The following GPR39 variants were observed in gnomAD, a reference collection of about 807,000 sequenced individuals.
GPR39 encodes zinc sensing receptor.
In GPR39, 23 loss-of-function variants were observed where a neutral mutation model predicts 18.4. The ratio of observed to expected loss-of-function variants is 1.25; its 90% CI spans 0.90 to 1.77. GPR39 has a LOEUF of 1.77. Among genes scored for constraint, GPR39 ranks in the 40% most tolerant of loss-of-function variants. The pLI, the probability that GPR39 is intolerant of heterozygous loss-of-function variation, is 0.00. For synonymous variants in GPR39, 280 were observed against 257.9 expected, an observed-to-expected ratio of 1.09 and a Z score of -0.82; for missense variants, 647 against 602.4, an observed-to-expected ratio of 1.07 and a Z score of -0.78.
At chr2:132,535,840 A>G (rs1050487166) in intron 1 of GPR39, among the ~76,000 whole-genome samples, 2 of 151,156 alleles carry the variant, frequency 1.3e-5, no homozygotes, top group Non-Finnish European at 2.9e-5. Context: ...TAGATTTTCT[A>G]GTTTATTTGT....
chr2:132,530,081 T>C (rs1679585848), intron 1 of GPR39, among the ~76,000 whole-genome samples: 1 of 151,716 alleles, frequency 6.6e-6, no homozygotes, highest in South Asian at 2.1e-4. Context: ...TTCGAACCAA[T>C]GGCAAAGAAG....
chr2:132,417,283 T>C lies in GPR39; in HGVS notation c.241T>C (p.Leu81=). ...GGTGAGTTTGGCTTGCTCGGACATC[T>C]TGGTGTTCCTCATCGGCATGCCCAT... is the stretch of plus-strand genomic sequence containing the variant. ...HMVSLACSDI[L]VFLIGMPMEF... Residue 81 remains leucine, a synonymous_variant, in exon 1 of 2, where the codon TTG becomes CTG. Transcript: ENST00000329321. 1 of 1,614,170 alleles carries C rather than the reference T, an allele frequency of 6.2e-7. No homozygotes were observed. Among genetic ancestry groups the C allele is most frequent in the South Asian group, 1.1e-5 (1 of 91,080 alleles).
At chr2:132,538,660 C>G (rs1478970304) in intron 1 of GPR39, among the ~76,000 whole-genome samples, 2 of 152,214 alleles carry the variant, frequency 1.3e-5, no homozygotes, top group Non-Finnish European at 2.9e-5. Context: ...GAAGCTGTGA[C>G]AGCACCCATC....
intron 1 of GPR39, among the ~76,000 whole-genome samples, chr2:132,644,625 T>G (rs1681953060): frequency 6.6e-6 from 1 of 152,358 alleles, no homozygotes; most frequent in African/African-American, 2.4e-5. Context: ...AAAGGGACAC[T>G]TCTTCCATTT....
At chr2:132,601,308 A>G (rs963877208) in intron 1 of GPR39, among the ~76,000 whole-genome samples, 2 of 152,234 alleles carry the variant, frequency 1.3e-5, no homozygotes, top group African/African-American at 4.8e-5. Context: ...ATGGTTTAAC[A>G]CACACAAATC....
At chr2:132,454,432 A>G (rs1452532416) in intron 1 of GPR39, among the ~76,000 whole-genome samples, 2 of 152,158 alleles carry the variant, frequency 1.3e-5, no homozygotes, top group East Asian at 1.9e-4. Flanking sequence ...TGCAAACAGG[A>G]ACAATTTGAC....
At chr2:132,576,280 G>T (rs1274625951) in intron 1 of GPR39, among the ~76,000 whole-genome samples, 1 of 151,946 alleles carries the variant, frequency 6.6e-6, no homozygotes, top group Non-Finnish European at 1.5e-5. Flanking sequence ...CTCTTAACAG[G>T]GTCTATCACA....
At chr2:132,599,746 A>G (rs1354063024) in intron 1 of GPR39, among the ~76,000 whole-genome samples, 2 of 146,166 alleles carry the variant, frequency 1.4e-5, no homozygotes, top group Admixed American at 7.0e-5. Context: ...TCTGATTTCT[A>G]GTGGGTTGAG....
intron 1 of GPR39, 33 bp from the exon 2 acceptor site, chr2:132,645,068 C>CTCTG: frequency 6.3e-7 from 1 of 1,576,872 alleles, no homozygotes; most frequent in Non-Finnish European, 8.6e-7. Flanking sequence ...TTTTTCTTTT[C>CTCTG]TCTGTCTCTC....
intron 1 of GPR39, among the ~76,000 whole-genome samples, chr2:132,606,514 C>T (rs1180921632): frequency 6.6e-6 from 1 of 152,216 alleles, no homozygotes; most frequent in Admixed American, 6.5e-5. Flanking sequence ...TTGTGGGTAG[C>T]CCTTCTGGGC....
intron 1 of GPR39, among the ~76,000 whole-genome samples, chr2:132,552,331 T>C (rs1680058359): frequency 1.3e-5 from 2 of 152,012 alleles, no homozygotes; most frequent in Admixed American, 6.6e-5. Context: ...TGATAGTGAG[T>C]TCTCTCAAGA....
At chr2:132,418,546 G>A (rs917996432) in intron 1 of GPR39, 4 of 152,158 alleles carry the variant, frequency 2.6e-5, no homozygotes, top group Non-Finnish European at 4.4e-5. Context: ...CTGGCAGGAC[G>A]GCCTGTTTAT....
At chr2:132,559,968 G>A (rs1221970900) in intron 1 of GPR39, among the ~76,000 whole-genome samples, 1 of 152,072 alleles carries the variant, frequency 6.6e-6, no homozygotes, top group Non-Finnish European at 1.5e-5. Flanking sequence ...GGTGGAGGAA[G>A]GGGAGGATGA....
At chr2:132,454,416 G>T (rs1336370952) in intron 1 of GPR39, among the ~76,000 whole-genome samples, 3 of 152,138 alleles carry the variant, frequency 2.0e-5, no homozygotes, top group African/African-American at 7.2e-5. Context: ...ATACAATCAG[G>T]TAATCTGCAA....
intron 1 of GPR39, among the ~76,000 whole-genome samples, chr2:132,551,404 A>G (rs1462447194): frequency 6.6e-6 from 1 of 152,134 alleles, no homozygotes; most frequent in African/African-American, 2.4e-5. Flanking sequence ...ATTAGTCATG[A>G]CCCTTCCCCC....
intron 1 of GPR39, among the ~76,000 whole-genome samples, chr2:132,631,440 A>G (rs1209436210): frequency 6.6e-6 from 1 of 152,226 alleles, no homozygotes; most frequent in Non-Finnish European, 1.5e-5. Context: ...AGGCATCCTC[A>G]TCTGATCATT....
chr2:132,540,378 G>A (rs1679841640), intron 1 of GPR39, among the ~76,000 whole-genome samples: 1 of 152,142 alleles, frequency 6.6e-6, no homozygotes, highest in Admixed American at 6.5e-5. Flanking sequence ...CGGTCAGGAA[G>A]GAGCTTAGCC....
At chr2:132,452,979 C>A (rs1202350095) in intron 1 of GPR39, among the ~76,000 whole-genome samples, 1 of 152,106 alleles carries the variant, frequency 6.6e-6, no homozygotes, top group Non-Finnish European at 1.5e-5. Context: ...GCTTTATAAT[C>A]CTTTGGGCTT....
intron 1 of GPR39, among the ~76,000 whole-genome samples, chr2:132,587,035 G>C (rs1481586242): frequency 6.6e-6 from 1 of 152,198 alleles, no homozygotes; most frequent in Non-Finnish European, 1.5e-5. Context: ...TTTTCTGCTT[G>C]TCAGCATTAA....
Sources: gnomAD v4.1 joint callset for allele counts (sites outside exome capture counted in the v4.1 genomes callset) on GRCh38, gnomAD v4.1.1 for gene constraint, MANE v1.5 for transcripts, NCBI Gene and HGNC (gene_info 2026-07-23, HGNC 2026-07-21) for gene names.